TBC1D16: variants seen among roughly 807,000 people sequenced by gnomAD.
TBC1D16 encodes CTD-2529O21.1.
TBC1D16 carries 58 observed loss-of-function variants against 74.7 expected under a neutral mutation model. That is an observed-to-expected ratio of 0.78 (90% CI 0.63 to 0.97). The LOEUF (loss-of-function observed/expected upper bound fraction) is 0.97, where lower values mean the gene tolerates loss of function less well. Ranked by LOEUF, TBC1D16 falls within the 50% of genes least tolerant of loss-of-function variation. The pLI is 0.00. For missense variants in TBC1D16, 1,014 were observed against 1,079.5 expected (o/e 0.94, Z 0.85); for synonymous variants, 493 against 474.7 (o/e 1.04, Z -0.50).
At chr17:79,943,034 G>A (rs1004694152) in intron 10 of TBC1D16, among the ~76,000 whole-genome samples, 3 of 152,234 alleles carry the variant, frequency 2.0e-5, no homozygotes, top group Admixed American at 6.5e-5. Context: ...CAGGAAGGAC[G>A]GGGGCACTGG....
At chr17:79,947,265 G>A (rs1221243498) in intron 9 of TBC1D16, among the ~76,000 whole-genome samples, 3 of 152,198 alleles carry the variant, frequency 2.0e-5, no homozygotes, top group Non-Finnish European at 2.9e-5. Context: ...AGCCCTGGCT[G>A]TGTTGACTCC....
rs951517233 is a variant in TBC1D16 at position 79,975,986 on chromosome 17, G to A, written c.780-23168C>T. ...CAGGCAACGGAGCCAGTCAGGGCAT[G>A]GGGACGCCAGGCAGCAGTGTCAGAC... On this transcript the variant is annotated intron_variant, in intron 3 of 11. Transcript: ENST00000310924. The surrounding 1 kb of genome is among the most constrained non-coding windows in gnomAD (Gnocchi z 4.5). Among the ~76,000 whole-genome samples the A allele has an allele frequency of 1.3e-5, 2 of 152,214 alleles. No individual in the cohort carries two copies. Among genetic ancestry groups the A allele is most frequent in the African/African-American group, 4.8e-5 (2 of 41,456 alleles).
At chr17:80,015,416 A>T (rs2036052216) in intron 1 of TBC1D16, among the ~76,000 whole-genome samples, 1 of 152,190 alleles carries the variant, frequency 6.6e-6, no homozygotes, top group Non-Finnish European at 1.5e-5. Flanking sequence ...CCTGGGCGAC[A>T]GAGTGAGACT....
chr17:79,943,017 G>A (rs1001225036), intron 10 of TBC1D16, among the ~76,000 whole-genome samples: 1 of 152,222 alleles, frequency 6.6e-6, no homozygotes, highest in Non-Finnish European at 1.5e-5. Flanking sequence ...ACGCGCTTCC[G>A]GAGGCACAGG....
rs1322380189 is a variant in TBC1D16, at chr17:79,958,507, C to T, written c.780-5689G>A. Among the ~76,000 whole-genome samples, 4 of 152,164 alleles carry T rather than the reference C, an allele frequency of 2.6e-5. No homozygotes were observed. In the South Asian group the frequency reaches 6.2e-4, roughly 24 times the overall value. Reference sequence around the variant, plus strand: ...TGCTGGGATCACAGGCGTGAGCCACCGCGCCCAGCCCTGACCAAATATTTC... The same window carrying T: ...TGCTGGGATCACAGGCGTGAGCCACTGCGCCCAGCCCTGACCAAATATTTC... On this transcript the variant is annotated intron_variant, in intron 3 of 11. Transcript: ENST00000310924.
rs185036504 is a variant in TBC1D16, at chr17:79,999,479, C to T, written c.779+10681G>A. 2.1e-3 allele frequency among the ~76,000 whole-genome samples: 317 copies of T among 150,422 alleles called. 2 individuals carry two copies. Among genetic ancestry groups the T allele is most frequent in the African/African-American group, 7.4e-3 (304 of 40,908 alleles). On this transcript the variant is annotated intron_variant, in intron 3 of 11. Transcript: ENST00000310924. ...AAACCAACCAAAATGATAACGGCAA[C>T]ACCAGAGGGATCAAAGATCACAAAT...
chr17:79,982,032 T>C (rs2034605342), intron 3 of TBC1D16, among the ~76,000 whole-genome samples: 1 of 152,230 alleles, frequency 6.6e-6, no homozygotes, highest in Non-Finnish European at 1.5e-5. Context: ...GCCCTGTCGG[T>C]ATGCAGGGAT....
intron 3 of TBC1D16, among the ~76,000 whole-genome samples, chr17:79,996,524 TTTCTGGTG>T (rs1381477541): frequency 6.6e-6 from 1 of 152,096 alleles, no homozygotes; most frequent in Non-Finnish European, 1.5e-5. Context: ...CACTCGTAAA[TTTCTGGTG>T]GGAGTGTAAA....
At chr17:79,984,704 CAAAA>C (rs10528420) in intron 3 of TBC1D16, among the ~76,000 whole-genome samples, 1 of 106,270 alleles carries the variant, frequency 9.4e-6, no homozygotes, top group Admixed American at 9.7e-5. Flanking sequence ...ACAGTAAAGG[CAAAA>C]AAAAAAAAAA....
At chr17:80,017,222 C>T (rs2036119944) in intron 1 of TBC1D16, among the ~76,000 whole-genome samples, 2 of 152,092 alleles carry the variant, frequency 1.3e-5, no homozygotes, top group African/African-American at 4.8e-5. Context: ...GAGTCTCTGT[C>T]GTGACCACTC....
At chr17:79,974,037 C>T (rs2034228617) in intron 3 of TBC1D16, among the ~76,000 whole-genome samples, 1 of 152,204 alleles carries the variant, frequency 6.6e-6, no homozygotes, top group Non-Finnish European at 1.5e-5. Flanking sequence ...AAATTGTCAG[C>T]ATCACTGCTC....
chr17:79,995,017 G>A (rs918966697), intron 3 of TBC1D16, among the ~76,000 whole-genome samples: 14 of 152,074 alleles, frequency 9.2e-5, no homozygotes, highest in Admixed American at 3.9e-4. Context: ...ATGTAGCTAT[G>A]GCCGGGCACC....
chr17:80,001,583 C>T lies in TBC1D16; in HGVS notation c.779+8577G>A, dbSNP rs753455102. Reference sequence around the variant, plus strand: ...GCCCTGGTTGGCCCACGACCGGGATCAGGGGTTTGATCCTGAAATTTGGGA... The same window carrying T: ...GCCCTGGTTGGCCCACGACCGGGATTAGGGGTTTGATCCTGAAATTTGGGA... On this transcript the variant is annotated intron_variant, in intron 3 of 11. Transcript: ENST00000310924. The surrounding 1 kb of genome is among the most constrained non-coding windows in gnomAD (Gnocchi z 5.8). Among the ~76,000 whole-genome samples, 79 of 152,228 alleles carry T rather than the reference C, an allele frequency of 5.2e-4. 1 individual carries two copies. The highest frequency in any genetic ancestry group is 1.9e-3 in the African/African-American group (78 of 41,552).
intron 8 of TBC1D16, among the ~76,000 whole-genome samples, 171 bp from the exon 9 acceptor site, chr17:79,948,002 C>T (rs2032702970): frequency 6.6e-6 from 1 of 152,230 alleles, no homozygotes; most frequent in Non-Finnish European, 1.5e-5. Flanking sequence ...GACACACAGA[C>T]CCTTGCTTTG....
intron 10 of TBC1D16, chr17:79,943,780 C>T: frequency 2.4e-6 from 3 of 1,226,852 alleles, no homozygotes; most frequent in African/African-American, 3.1e-5. Flanking sequence ...GGGAAAGGGA[C>T]CCATCTGCCG....
chr17:79,939,844 G>C lies in TBC1D16; in HGVS notation c.*1015C>G, dbSNP rs1405024864. 2 of 152,178 alleles carry C rather than the reference G, an allele frequency of 1.3e-5. No homozygotes were observed. Among genetic ancestry groups the C allele is most frequent in the Admixed American group, 1.3e-4 (2 of 15,280 alleles). 9.4% of individuals were successfully genotyped at this position (152,178 alleles called of 1,614,324 possible). A position where few individuals can be genotyped will look rare whatever the true frequency, so the allele number is the denominator to read the frequency against. On this transcript the variant is annotated 3_prime_UTR_variant, in exon 12 of 12. Coordinates refer to ENST00000310924, the MANE Select transcript of TBC1D16 (RefSeq NM_019020.4). ...TTACATATCTGAGTTCACAGGTCCT[G>C]AAGGGAAGTGGAAGAGTCTAACTAT...
rs1008657232 is a variant in TBC1D16 at position 79,985,824 on chromosome 17, C to T, written c.779+24336G>A. On this transcript the variant is annotated intron_variant, in intron 3 of 11. Coordinates refer to ENST00000310924, the MANE Select transcript of TBC1D16 (RefSeq NM_019020.4). The surrounding 1 kb of genome is among the most constrained non-coding windows in gnomAD (Gnocchi z 4.9). ...TGTTCTGCTGGCTCCCACCTCGCAG[C>T]CACAACTTCAATGCCCACAACAAAC... is the stretch of plus-strand genomic sequence containing the variant. Among the ~76,000 whole-genome samples the T allele has an allele frequency of 1.3e-5, 2 of 152,190 alleles. No individual in the cohort carries two copies. The highest frequency in any genetic ancestry group is 4.8e-5 in the African/African-American group (2 of 41,436).
intron 3 of TBC1D16, among the ~76,000 whole-genome samples, chr17:79,977,859 G>A (rs1226635999): frequency 6.6e-6 from 1 of 152,236 alleles, no homozygotes; most frequent in Non-Finnish European, 1.5e-5. Flanking sequence ...GCACGGGAGG[G>A]CGATTGATGC....
intron 3 of TBC1D16, among the ~76,000 whole-genome samples, chr17:79,982,151 CT>C (rs796076585): frequency 1.3e-3 from 180 of 137,044 alleles, no homozygotes; most frequent in Middle Eastern, 3.6e-3. Flanking sequence ...GTTTTTTTTT[CT>C]TTTTTTTTTT....
Sources: allele counts gnomAD v4.1 joint callset (sites outside exome capture counted in the v4.1 genomes callset), GRCh38; gene constraint gnomAD v4.1.1; non-coding constraint Gnocchi (gnomAD v3.1); transcripts MANE v1.5; gene names NCBI Gene and HGNC (gene_info 2026-07-23, HGNC 2026-07-21).